The following TTBK1 variants were observed in gnomAD, a reference collection of about 807,000 sequenced individuals.
TTBK1 encodes the protein tau-tubulin kinase 1.
A neutral mutation model predicts 108.5 loss-of-function variants in TTBK1; 34 were observed. The ratio of observed to expected loss-of-function variants is 0.31; its 90% CI spans 0.24 to 0.42. TTBK1 has a LOEUF of 0.42. TTBK1 is among the 10% of genes least tolerant of loss of function. The pLI, the probability that TTBK1 is intolerant of heterozygous loss-of-function variation, is 1.00. For synonymous variants in TTBK1, 809 were observed against 795.1 expected (o/e 1.02, Z -0.29); for missense variants, 1,539 against 1,826.0 (o/e 0.84, Z 2.86).
At position 43,276,290 on chromosome 6, in the gene TTBK1, G is replaced by A. The variant is rs1234142649; in HGVS notation, c.1987-6437G>A. Among the ~76,000 whole-genome samples the A allele has an allele frequency of 6.6e-6, 1 of 152,116 alleles. No homozygotes were observed. The highest frequency in any genetic ancestry group is 6.5e-5 in the Admixed American group (1 of 15,284). ...CACACACGCTCACACGCACACACAC[G>A]CACACGAAGATGGGACGCTTTTTTT... is the stretch of plus-strand genomic sequence containing the variant. On this transcript the variant is annotated intron_variant, in intron 13 of 14. Coordinates refer to ENST00000259750, the MANE Select transcript of TTBK1 (RefSeq NM_032538.3). This position sits in a 1 kb window ranked among gnomAD's most constrained non-coding sequence, Gnocchi z 5.4.
chr6:43,260,722 C>T (rs1399269962), intron 12 of TTBK1, among the ~76,000 whole-genome samples: 1 of 152,162 alleles, frequency 6.6e-6, no homozygotes, highest in Non-Finnish European at 1.5e-5. Flanking sequence ...TTTTAGAAAA[C>T]AAGAAGCAAA....
Position 43,263,356 on chromosome 6 carries a change from G to A in TTBK1, c.1986+6G>A, listed in dbSNP as rs372621401. ...CCACAGGCCCACAGAGACAGGTAAGGTTGGGCTTGCACCCCACTCCCCATC... is the reference window on the plus strand; with the variant it reads ...CCACAGGCCCACAGAGACAGGTAAGATTGGGCTTGCACCCCACTCCCCATC... On this transcript the variant is annotated splice_donor_region_variant and intron_variant, in intron 13 of 14. Transcript: ENST00000259750. This position sits in a 1 kb window ranked among gnomAD's most constrained non-coding sequence, Gnocchi z 4.7. 104 of 1,454,972 alleles carry A rather than the reference G, an allele frequency of 7.1e-5. No homozygotes were observed. The African/African-American group carries it at 1.1e-3, about 15-fold the overall frequency. 90.1% of individuals were successfully genotyped at this position (1,454,972 alleles called of 1,614,324 possible).
At position 43,269,561 on chromosome 6, in the gene TTBK1, G is replaced by T; in HGVS notation, c.1986+6211G>T. On this transcript the variant is annotated intron_variant, in intron 13 of 14. Coordinates refer to ENST00000259750, the MANE Select transcript of TTBK1 (RefSeq NM_032538.3). The surrounding 1 kb of genome is among the most constrained non-coding windows in gnomAD (Gnocchi z 4.8). ...GGGACGCCGGCGCCGCAGGGGCTGTGAGCGGTGGGTGGCCCCGGAGACGGA... is the reference window on the plus strand; with the variant it reads ...GGGACGCCGGCGCCGCAGGGGCTGTTAGCGGTGGGTGGCCCCGGAGACGGA... 1 of 1,427,058 alleles carries T rather than the reference G, an allele frequency of 7.0e-7. No homozygotes were observed. The highest frequency in any genetic ancestry group is 1.4e-5 in the South Asian group (1 of 69,180). The allele number at this position is 1,427,058 out of a possible 1,614,324, so 88.4% of individuals were successfully genotyped here.
At chr6:43,267,176 T>A (rs1777703190) in intron 13 of TTBK1, among the ~76,000 whole-genome samples, 1 of 152,120 alleles carries the variant, frequency 6.6e-6, no homozygotes, top group Non-Finnish European at 1.5e-5. Context: ...CGCCAAGTAC[T>A]TCAGGACAGC....
At chr6:43,247,891 G>A (rs922284980) in intron 2 of TTBK1, 65 of 151,568 alleles carry the variant, frequency 4.3e-4, no homozygotes, top group African/African-American at 1.5e-3. Flanking sequence ...AGACTTCTAG[G>A]GGTCCCCAAG....
rs1312688819 is a variant in TTBK1, at chr6:43,283,379, A to C, written c.2639A>C (p.Asp880Ala). ...ERPQPTGSQLDVSEPGTLSSV... is the reference protein window; with the variant it reads ...ERPQPTGSQLAVSEPGTLSSV... ...CCCCAGCCCACGGGCAGCCAGCTGG[A>C]CGTATCTGAGCCAGGCACCCTGTCC... is the stretch of plus-strand genomic sequence containing the variant. The change falls in exon 14 of 15, where the codon GAC (aspartate) becomes GCC (alanine). Residue 880 changes from aspartate (D) to alanine (A), a missense_variant. Around this residue, in one of 5 missense-constraint regions of TTBK1, gnomAD observed 1,055 missense variants for 1,086.5 expected, o/e 0.97. Transcript: ENST00000259750. This position sits in a 1 kb window ranked among gnomAD's most constrained non-coding sequence, Gnocchi z 8.1. The C allele has an allele frequency of 6.2e-7, 1 of 1,606,444 alleles. No homozygotes were observed. Among genetic ancestry groups the C allele is most frequent in the Non-Finnish European group, 8.5e-7 (1 of 1,176,532 alleles).
rs1299995318 is a variant in TTBK1, at chr6:43,253,963, C to T, written c.471+255C>T. ...TCTGTTCTTCCCTTCTGTTCCTTATCCCTTGCCCCTGACCTGACAGTTCTG... is the reference window on the plus strand; with the variant it reads ...TCTGTTCTTCCCTTCTGTTCCTTATTCCTTGCCCCTGACCTGACAGTTCTG... On this transcript the variant is annotated intron_variant, in intron 5 of 14. Transcript: ENST00000259750. The surrounding 1 kb of genome is among the most constrained non-coding windows in gnomAD (Gnocchi z 5.8). 6.6e-6 allele frequency among the ~76,000 whole-genome samples: 1 copy of T among 152,186 alleles called. No individual in the cohort carries two copies. The highest frequency in any genetic ancestry group is 1.5e-5 in the Non-Finnish European group (1 of 68,036).
Position 43,285,415 on chromosome 6 carries a change from C to G in TTBK1, c.*39C>G. 8.0e-7 allele frequency: 1 copy of G among 1,251,574 alleles called. No individual in the cohort carries two copies. Among genetic ancestry groups the G allele is most frequent in the Non-Finnish European group, 1.0e-6 (1 of 1,000,808 alleles). The allele number at this position is 1,251,574 out of a possible 1,614,324, so 77.5% of individuals were successfully genotyped here. A position where few individuals can be genotyped will look rare whatever the true frequency, so the allele number is the denominator to read the frequency against. Reference sequence around the variant, plus strand: ...TCTCCGCGGTCCCCCACCCTCACCCCGGCCCCCCACCCGCAGCCGGCCACA... The same window carrying G: ...TCTCCGCGGTCCCCCACCCTCACCCGGGCCCCCCACCCGCAGCCGGCCACA... On this transcript the variant is annotated 3_prime_UTR_variant, in exon 15 of 15. Coordinates refer to ENST00000259750, the MANE Select transcript of TTBK1 (RefSeq NM_032538.3). The surrounding 1 kb of genome is among the most constrained non-coding windows in gnomAD (Gnocchi z 4.7).
At chr6:43,275,329 C>T (rs966440600) in intron 13 of TTBK1, among the ~76,000 whole-genome samples, 2 of 151,642 alleles carry the variant, frequency 1.3e-5, no homozygotes, top group Non-Finnish European at 2.9e-5. Flanking sequence ...ACCCCGCCGC[C>T]GAGGCTTCCC....
intron 1 of TTBK1, 58 bp from the exon 2 acceptor site, chr6:43,246,549 T>A: frequency 1.5e-6 from 1 of 683,336 alleles, no homozygotes; most frequent in Non-Finnish European, 2.5e-6. Context: ...CTCCTCCATA[T>A]CTGCCAGGTG....
rs1361762723 is a variant in TTBK1, at chr6:43,263,150, C to T, written c.1786C>T (p.Arg596Trp). ...GGGGGCAGAGCCCACCGTCCGGCCC[C>T]GGGGACGCAGCATGCAGGCGCTGGC... is the stretch of plus-strand genomic sequence containing the variant. ...RLGAEPTVRP[R>W]GRSMQALAEE... is the part of the protein sequence containing the mutation. Residue 596 changes from arginine (R) to tryptophan (W), a missense_variant, in exon 13 of 15, where the codon CGG becomes TGG. Physicochemically the swap from Arg to Trp is moderately radical, Grantham distance 101 (BLOSUM62 -3). Transcript: ENST00000259750. The surrounding 1 kb of genome is among the most constrained non-coding windows in gnomAD (Gnocchi z 4.7). 3.8e-6 allele frequency: 6 copies of T among 1,568,134 alleles called. No individual in the cohort carries two copies. The highest frequency in any genetic ancestry group is 1.4e-5 in the African/African-American group (1 of 74,020).
In TTBK1 at chr6:43,259,335, C is replaced by A; in HGVS notation, c.1248+66C>A. The stretch of plus-strand genomic sequence containing the variant: ...CTCACCCCCGATTCCCAGCCTTGTG[C>A]CCCTGCCCTGTTCCTCCTAAGCACC... On this transcript the variant is annotated intron_variant, in intron 11 of 14. Transcript: ENST00000259750. The surrounding 1 kb of genome is among the most constrained non-coding windows in gnomAD (Gnocchi z 6.7). 6 of 1,406,320 alleles carry A rather than the reference C, an allele frequency of 4.3e-6. No homozygotes were observed. Among genetic ancestry groups the A allele is most frequent in the Non-Finnish European group, 5.8e-6 (6 of 1,040,062 alleles). The allele number at this position is 1,406,320 out of a possible 1,614,324, so 87.1% of individuals were successfully genotyped here. A position where few individuals can be genotyped will look rare whatever the true frequency, so the allele number is the denominator to read the frequency against.
Position 43,250,221 on chromosome 6 carries a change from G to A in TTBK1, c.109-2518G>A, listed in dbSNP as rs188408890. On this transcript the variant is annotated intron_variant, in intron 2 of 14. Transcript: ENST00000259750. ...CTGACTTATCTCTAGCAATGATTTC[G>A]GAGCCTGGCAGATCTGGGCTTGAAT... Among the ~76,000 whole-genome samples the A allele has an allele frequency of 1.3e-4, 20 of 152,206 alleles. No individual in the cohort carries two copies. The East Asian group carries it at 3.3e-3, about 25-fold the overall frequency.
rs1778355925 is a variant in TTBK1, at chr6:43,285,574, G to C, written c.*198G>C. 3.3e-6 allele frequency: 2 copies of C among 599,682 alleles called. No individual in the cohort carries two copies. Among genetic ancestry groups the C allele is most frequent in the Non-Finnish European group, 4.7e-6 (2 of 422,890 alleles). The allele number at this position is 599,682 out of a possible 1,614,324, so 37.1% of individuals were successfully genotyped here. On this transcript the variant is annotated 3_prime_UTR_variant, in exon 15 of 15. Coordinates refer to ENST00000259750, the MANE Select transcript of TTBK1 (RefSeq NM_032538.3). The surrounding 1 kb of genome is among the most constrained non-coding windows in gnomAD (Gnocchi z 4.7). ...AGGCCTTAGGGCCCGTGGGGGACGC[G>C]GCCCCGCGCCGCGGGGAGGGTCTGC...
intron 13 of TTBK1, among the ~76,000 whole-genome samples, chr6:43,275,027 C>T (rs1202467241): frequency 6.6e-6 from 1 of 152,142 alleles, no homozygotes; most frequent in South Asian, 2.1e-4. Flanking sequence ...GCAGTGGGGT[C>T]CACTTGGCCA....
rs1471438110 is a variant in TTBK1 at position 43,273,024 on chromosome 6, G to A, written c.1986+9674G>A. Among the ~76,000 whole-genome samples the A allele has an allele frequency of 6.6e-6, 1 of 152,146 alleles. No individual in the cohort carries two copies. Among genetic ancestry groups the A allele is most frequent in the Admixed American group, 6.5e-5 (1 of 15,278 alleles). ...TTGTGATTTTATTTAATAGCCACTG[G>A]CACACAGTGCTTATTATGTGCCAGG... On this transcript the variant is annotated intron_variant, in intron 13 of 14. Coordinates refer to ENST00000259750, the MANE Select transcript of TTBK1 (RefSeq NM_032538.3). The surrounding 1 kb of genome is among the most constrained non-coding windows in gnomAD (Gnocchi z 4.2).
At chr6:43,252,943 A>G in intron 3 of TTBK1, 57 bp downstream of exon 3, 1 of 1,589,204 alleles carries the variant, frequency 6.3e-7, no homozygotes, top group Non-Finnish European at 8.6e-7. Context: ...AGGGGCTAAG[A>G]GAGGTGATAA....
intron 12 of TTBK1, among the ~76,000 whole-genome samples, chr6:43,261,298 C>CT (rs1418224687): frequency 6.6e-6 from 1 of 152,102 alleles, no homozygotes; most frequent in Non-Finnish European, 1.5e-5. Flanking sequence ...AGTCAGCCCC[C>CT]TGCCCACAGC....
At chr6:43,261,697 C>T (rs1382245489) in intron 12 of TTBK1, among the ~76,000 whole-genome samples, 1 of 151,172 alleles carries the variant, frequency 6.6e-6, no homozygotes, top group Non-Finnish European at 1.5e-5. Context: ...CACCTGTAAG[C>T]GCAGCTACTC....
Sources: gnomAD v4.1 joint callset for allele counts (sites outside exome capture counted in the v4.1 genomes callset) on GRCh38, gnomAD v4.1.1 for gene constraint, gnomAD v4.1.1 regional missense constraint, Gnocchi (gnomAD v3.1) non-coding constraint, MANE v1.5 for transcripts, NCBI Gene and HGNC (gene_info 2026-07-23, HGNC 2026-07-21) for gene names.